The following SPIRE1 variants were observed in gnomAD, a reference collection of about 807,000 sequenced individuals.
SPIRE1 encodes spire type actin nucleation factor 1, also known as protein spire homolog 1.
SPIRE1 carries 40 observed loss-of-function variants against 94.1 expected under a neutral mutation model. That is an observed-to-expected ratio of 0.43 (90% CI 0.33 to 0.55). SPIRE1 has a LOEUF of 0.55. Among genes scored for constraint, SPIRE1 ranks in the 20% least tolerant of loss-of-function variants. SPIRE1 has a pLI of 0.06. For synonymous variants in SPIRE1, 376 were observed against 371.7 expected, an observed-to-expected ratio of 1.01 and a Z score of -0.13; for missense variants, 838 against 975.2, an observed-to-expected ratio of 0.86 and a Z score of 1.87.
intron 6 of SPIRE1, among the ~76,000 whole-genome samples, chr18:12,501,424 G>A (rs557959210): frequency 8.5e-4 from 130 of 152,222 alleles, no homozygotes; most frequent in African/African-American, 3.1e-3. Context: ...TCGCTCTGCC[G>A]TCACGCTGGA....
At chr18:12,531,759 CT>C (rs1157169353) in intron 4 of SPIRE1, among the ~76,000 whole-genome samples, 2 of 152,066 alleles carry the variant, frequency 1.3e-5, no homozygotes, top group African/African-American at 4.8e-5. Flanking sequence ...AATAACAAAA[CT>C]GGGGACTGAT....
At chr18:12,567,667 T>A (rs2144438771) in intron 2 of SPIRE1, among the ~76,000 whole-genome samples, 1 of 152,266 alleles carries the variant, frequency 6.6e-6, no homozygotes, top group African/African-American at 2.4e-5. Flanking sequence ...GGGGAAGGAT[T>A]AACAAAATAT....
intron 16 of SPIRE1, chr18:12,450,738 G>T: frequency 1.5e-6 from 1 of 674,862 alleles, no homozygotes; most frequent in South Asian, 1.6e-5. Context: ...CCACCGTCTG[G>T]ATTCTTCCTG....
At position 12,549,439 on chromosome 18, in the gene SPIRE1, G is replaced by GTTTTTTTTTTTTTTTTTTTTTTTTTTTT. The variant is rs869122444; in HGVS notation, c.373-2563_373-2536dup. Among the ~76,000 whole-genome samples, 9 of 41,258 alleles carry GTTTTTTTTTTTTTTTTTTTTTTTTTTTT rather than the reference G, an allele frequency of 2.2e-4. 1 individual carries two copies. The highest frequency in any genetic ancestry group is 3.1e-4 in the Non-Finnish European group (8 of 25,944). The allele number at this position is 41,258 out of a possible 152,430, so 27.1% of individuals were successfully genotyped here. On this transcript the variant is annotated intron_variant, in intron 2 of 16. Coordinates refer to ENST00000409402, the MANE Select transcript of SPIRE1 (RefSeq NM_001128626.2). ...CTTTTTGTTTGTTTTTGTTATTGTT[G>GTTTTTTTTTTTTTTTTTTTTTTTTTTTT]TTTTTTTTTTTTTTTTTTTTTTTTT...
At chr18:12,527,922 C>T (rs1281177242) in intron 4 of SPIRE1, among the ~76,000 whole-genome samples, 2 of 151,794 alleles carry the variant, frequency 1.3e-5, no homozygotes, top group East Asian at 1.9e-4. Context: ...AAAAATTAGC[C>T]GGGCGTGGTG....
At chr18:12,582,072 T>C (rs1363947953) in intron 2 of SPIRE1, among the ~76,000 whole-genome samples, 1 of 152,194 alleles carries the variant, frequency 6.6e-6, no homozygotes, top group Non-Finnish European at 1.5e-5. Context: ...CAAAACATCA[T>C]GGGTACAACA....
upstream of SPIRE1, chr18:12,658,536 G>A (rs1420378952): frequency 2.1e-6 from 1 of 470,346 alleles, no homozygotes; most frequent in Non-Finnish European, 4.4e-6. Flanking sequence ...TCACCGCCCT[G>A]CACAGCGGGA....
intron 4 of SPIRE1, among the ~76,000 whole-genome samples, chr18:12,519,685 A>T (rs2034305479): frequency 6.6e-6 from 1 of 152,246 alleles, no homozygotes. Context: ...AGCAATTGAC[A>T]AATGATTCTT....
intron 5 of SPIRE1, among the ~76,000 whole-genome samples, chr18:12,510,295 T>C (rs1246384036): frequency 6.6e-6 from 1 of 152,086 alleles, no homozygotes; most frequent in Non-Finnish European, 1.5e-5. Flanking sequence ...GTGGTGATGG[T>C]TTCATGGCTG....
rs760384968 is a variant in SPIRE1 at position 12,449,437 on chromosome 18, G to A, written c.*201C>T. 15 of 610,188 alleles carry A rather than the reference G, an allele frequency of 2.5e-5. No individual in the cohort carries two copies. The highest frequency in any genetic ancestry group is 4.3e-5 in the Non-Finnish European group (15 of 352,504). The allele number at this position is 610,188 out of a possible 1,614,324, so 37.8% of individuals were successfully genotyped here. A position where few individuals can be genotyped will look rare whatever the true frequency, so the allele number is the denominator to read the frequency against. On this transcript the variant is annotated 3_prime_UTR_variant, in exon 17 of 17. Transcript: ENST00000409402. ...TGTTGTCCTCTCTCAGTGCAAACGA[G>A]CAATTGGCGGACCTGTCACGTTTCA...
At chr18:12,584,553 G>GA (rs2036342045) in intron 2 of SPIRE1, among the ~76,000 whole-genome samples, 1 of 152,206 alleles carries the variant, frequency 6.6e-6, no homozygotes, top group Non-Finnish European at 1.5e-5. Flanking sequence ...ATTTAGACTT[G>GA]AAAATTTTAC....
chr18:12,501,003 C>T (rs1302166571), intron 6 of SPIRE1, among the ~76,000 whole-genome samples: 11 of 131,718 alleles, frequency 8.4e-5, no homozygotes, highest in African/African-American at 2.9e-4. Flanking sequence ...ACCCTGGAGG[C>T]GGAGGTTGCA....
chr18:12,514,529 A>G (rs1264352248), intron 4 of SPIRE1, among the ~76,000 whole-genome samples: 1 of 151,982 alleles, frequency 6.6e-6, no homozygotes, highest in East Asian at 1.9e-4. Flanking sequence ...ATAGGTGCTT[A>G]GTAAATATTT....
intron 14 of SPIRE1, among the ~76,000 whole-genome samples, chr18:12,452,808 ATAT>A (rs2031312083): frequency 6.6e-6 from 1 of 152,232 alleles, no homozygotes; most frequent in Admixed American, 6.5e-5. Context: ...CAAACATGAC[ATAT>A]TATTAGAATG....
At chr18:12,576,399 T>A (rs906636374) in intron 2 of SPIRE1, among the ~76,000 whole-genome samples, 3 of 150,926 alleles carry the variant, frequency 2.0e-5, no homozygotes, top group African/African-American at 7.3e-5. Flanking sequence ...CTGGCCGACA[T>A]AGCGAAATCT....
intron 8 of SPIRE1, 138 bp downstream of exon 8, chr18:12,492,934 G>C (rs1567887396): frequency 4.2e-6 from 4 of 963,854 alleles, no homozygotes; most frequent in Admixed American, 2.9e-5. Context: ...ATACGAGAGA[G>C]TGAGAGGGAG....
chr18:12,506,086 T>C (rs921900057), intron 6 of SPIRE1, among the ~76,000 whole-genome samples: 3 of 152,174 alleles, frequency 2.0e-5, no homozygotes, highest in African/African-American at 7.2e-5. Context: ...AAATAATTTT[T>C]AAAATTTAAT....
intron 1 of SPIRE1, among the ~76,000 whole-genome samples, chr18:12,643,743 A>G (rs2038145940): frequency 6.6e-6 from 1 of 152,196 alleles, no homozygotes; most frequent in African/African-American, 2.4e-5. Flanking sequence ...CCTTTACTAT[A>G]AACATTTTTA....
At chr18:12,582,832 T>G (rs1453149023) in intron 2 of SPIRE1, among the ~76,000 whole-genome samples, 1 of 152,166 alleles carries the variant, frequency 6.6e-6, no homozygotes, top group African/African-American at 2.4e-5. Context: ...CACCCAAATG[T>G]TCACTGAGTA....
Sources: allele counts gnomAD v4.1 joint callset (sites outside exome capture counted in the v4.1 genomes callset), GRCh38; gene constraint gnomAD v4.1.1; transcripts MANE v1.5; gene names NCBI Gene and HGNC (gene_info 2026-07-23, HGNC 2026-07-21).